The following TSTD2 variants were observed in gnomAD, a reference collection of about 807,000 sequenced individuals.
TSTD2 encodes thiosulfate sulfurtransferase like domain containing 2.
In TSTD2, 37 loss-of-function variants were observed where a neutral mutation model predicts 47.9. That is an observed-to-expected ratio of 0.77 (90% CI 0.59 to 1.02). The LOEUF is 1.02. Ranked by LOEUF, TSTD2 falls within the 50% of genes least tolerant of loss-of-function variation. The pLI, the probability that TSTD2 is intolerant of heterozygous loss-of-function variation, is 0.00. For synonymous variants in TSTD2, 201 were observed against 215.9 expected, an observed-to-expected ratio of 0.93 and a Z score of 0.61; for missense variants, 586 against 616.0, an observed-to-expected ratio of 0.95 and a Z score of 0.52.
At chr9:97,622,573 T>C (rs1826657160) in intron 3 of TSTD2, among the ~76,000 whole-genome samples, 1 of 152,216 alleles carries the variant, frequency 6.6e-6, no homozygotes, top group African/African-American at 2.4e-5. Context: ...GTAGATCCAC[T>C]GAGAGCTTGC....
At chr9:97,632,547 T>A (rs1346050322) in intron 1 of TSTD2, among the ~76,000 whole-genome samples, 1 of 85,210 alleles carries the variant, frequency 1.2e-5, no homozygotes, top group Non-Finnish European at 2.4e-5. Context: ...TAGGCTCAGC[T>A]AATTTTTTTT....
intron 6 of TSTD2, among the ~76,000 whole-genome samples, chr9:97,607,812 G>A (rs1260729986): frequency 1.3e-5 from 2 of 152,180 alleles, no homozygotes; most frequent in Non-Finnish European, 2.9e-5. Context: ...GCTGAGGCAG[G>A]AGAACTACAC....
At chr9:97,602,988 G>C in intron 9 of TSTD2, 1 of 465,558 alleles carries the variant, frequency 2.1e-6, no homozygotes. Context: ...TCTGCTTCCA[G>C]TATTTACTGA....
Position 97,602,245 on chromosome 9 carries a change from C to T in TSTD2, c.*224G>A, listed in dbSNP as rs1046487264. Reference sequence around the variant, plus strand: ...AGCTTTGGGATCCCATGCAGCTCACCTATTTTCTGTGCTCTAGCATCATCC... The same window carrying T: ...AGCTTTGGGATCCCATGCAGCTCACTTATTTTCTGTGCTCTAGCATCATCC... On this transcript the variant is annotated 3_prime_UTR_variant, in exon 10 of 10. Transcript: ENST00000341170. 1.8e-6 allele frequency: 1 copy of T among 553,554 alleles called. No individual in the cohort carries two copies. The highest frequency in any genetic ancestry group is 3.6e-5 in the Admixed American group (1 of 27,898). 34.3% of individuals were successfully genotyped at this position (553,554 alleles called of 1,614,324 possible).
At chr9:97,613,112 A>C (rs2131310046) in intron 4 of TSTD2, among the ~76,000 whole-genome samples, 1 of 152,362 alleles carries the variant, frequency 6.6e-6, no homozygotes. Context: ...GCTGTGAGAA[A>C]GTTAATTGAC....
chr9:97,607,464 G>C (rs1200861199), intron 6 of TSTD2, among the ~76,000 whole-genome samples: 2 of 152,182 alleles, frequency 1.3e-5, no homozygotes, highest in Admixed American at 1.3e-4. Context: ...GGAGAGATGA[G>C]GGCCCAGAGC....
intron 1 of TSTD2, among the ~76,000 whole-genome samples, chr9:97,631,937 A>C (rs1424588947): frequency 1.3e-5 from 2 of 152,048 alleles, no homozygotes; most frequent in Non-Finnish European, 2.9e-5. Context: ...CTCTGATCTC[A>C]TCTACCACTC....
chr9:97,602,985 C>T (rs977087948), intron 9 of TSTD2: 4 of 475,270 alleles, frequency 8.4e-6, no homozygotes, highest in Non-Finnish European at 1.5e-5. Context: ...CTGTCTGCTT[C>T]CAGTATTTAC....
At position 97,600,915 on chromosome 9, in the gene TSTD2, T is replaced by C; in HGVS notation, c.*1554A>G. On this transcript the variant is annotated 3_prime_UTR_variant, in exon 10 of 10. Coordinates refer to ENST00000341170, the MANE Select transcript of TSTD2 (RefSeq NM_139246.5). ...ACAGTGCCAGTTAAACTAATATTTT[T>C]GTTTGTTGCTTTTGGGAGTTATTTT... The C allele has an allele frequency of 8.6e-7, 1 of 1,157,406 alleles. No homozygotes were observed. The highest frequency in any genetic ancestry group is 1.1e-6 in the Non-Finnish European group (1 of 918,468). 71.7% of individuals were successfully genotyped at this position (1,157,406 alleles called of 1,614,324 possible). A position where few individuals can be genotyped will look rare whatever the true frequency, so the allele number is the denominator to read the frequency against.
At chr9:97,605,395 C>G (rs1187322030) in intron 8 of TSTD2, 88 bp downstream of exon 8, 4 of 1,541,782 alleles carry the variant, frequency 2.6e-6, no homozygotes, top group South Asian at 1.2e-5. Context: ...GTGGGGAGTA[C>G]TGGGGGCAGC....
intron 8 of TSTD2, 109 bp from the exon 9 acceptor site, chr9:97,604,974 C>T (rs1408628283): frequency 1.3e-5 from 19 of 1,491,600 alleles, no homozygotes; most frequent in Admixed American, 7.1e-5. Flanking sequence ...GACTCATGGC[C>T]GCTGCTATCA....
intron 3 of TSTD2, among the ~76,000 whole-genome samples, chr9:97,624,956 CTATT>C (rs1160294419): frequency 6.6e-6 from 1 of 152,014 alleles, no homozygotes; most frequent in Non-Finnish European, 1.5e-5. Context: ...TTTTCCTGCC[CTATT>C]TATTTAAAAA....
intron 4 of TSTD2, among the ~76,000 whole-genome samples, chr9:97,613,827 CTTTT>C (rs755229835): frequency 6.6e-4 from 81 of 123,078 alleles, no homozygotes; most frequent in African/African-American, 2.3e-3. Flanking sequence ...TTGATCAATT[CTTTT>C]TTTTTTTTTT....
chr9:97,601,190 C>T lies in TSTD2; in HGVS notation c.*1279G>A. The T allele has an allele frequency of 7.7e-7, 1 of 1,297,512 alleles. No individual in the cohort carries two copies. Among genetic ancestry groups the T allele is most frequent in the Non-Finnish European group, 1.0e-6 (1 of 985,112 alleles). 80.4% of individuals were successfully genotyped at this position (1,297,512 alleles called of 1,614,324 possible). On this transcript the variant is annotated 3_prime_UTR_variant, in exon 10 of 10. Coordinates refer to ENST00000341170, the MANE Select transcript of TSTD2 (RefSeq NM_139246.5). The stretch of plus-strand genomic sequence containing the variant: ...CCCCATTTGGCTTCTCCTTAAAACA[C>T]AATTGCAGCTGCATTCTGCATCGCT...
At chr9:97,603,128 TTTGA>T (rs111505791) in intron 9 of TSTD2, 4,570 of 213,906 alleles carry the variant, frequency 0.021, 234 homozygotes, top group African/African-American at 0.1. Flanking sequence ...TCTTTTCCTC[TTTGA>T]TTGTTCCCTT....
At chr9:97,612,425 G>A (rs1197332076) in intron 4 of TSTD2, among the ~76,000 whole-genome samples, 1 of 152,210 alleles carries the variant, frequency 6.6e-6, no homozygotes, top group African/African-American at 2.4e-5. Flanking sequence ...TTACCACATT[G>A]TCTTCCACAA....
At chr9:97,631,011 T>C (rs1264757473) in intron 1 of TSTD2, among the ~76,000 whole-genome samples, 4 of 152,248 alleles carry the variant, frequency 2.6e-5, no homozygotes, top group Non-Finnish European at 5.9e-5. Context: ...TCTTCCCCAG[T>C]CTTCCTTATC....
Position 97,617,927 on chromosome 9 carries a change from G to A in TSTD2, c.483-50C>T, listed in dbSNP as rs777390222. ...AGAGCATTTGAGTCGCTGGCATAAA[G>A]AAGTCACAATTCATAAAATACACCC... On this transcript the variant is annotated intron_variant, in intron 3 of 9. Coordinates refer to ENST00000341170, the MANE Select transcript of TSTD2 (RefSeq NM_139246.5). The A allele has an allele frequency of 2.5e-6, 4 of 1,586,316 alleles. No homozygotes were observed. In the Admixed American group the frequency reaches 7.1e-5, roughly 28 times the overall value.
In TSTD2 at chr9:97,610,610, T is replaced by C. The variant is rs961523849; in HGVS notation, c.730-159A>G. Among the ~76,000 whole-genome samples the C allele has an allele frequency of 1.2e-3, 190 of 152,314 alleles. 1 individual carries two copies. The highest frequency in any genetic ancestry group is 4.3e-3 in the African/African-American group (177 of 41,558). On this transcript the variant is annotated intron_variant, in intron 5 of 9. Transcript: ENST00000341170. Reference sequence around the variant, plus strand: ...CCAGAATGTTCCAGATAATTCAACATTGATAAATACTTACTGCATACCTGC... The same window carrying C: ...CCAGAATGTTCCAGATAATTCAACACTGATAAATACTTACTGCATACCTGC...
Sources: gnomAD v4.1 joint callset for allele counts (sites outside exome capture counted in the v4.1 genomes callset) on GRCh38, gnomAD v4.1.1 for gene constraint, MANE v1.5 for transcripts, NCBI Gene and HGNC (gene_info 2026-07-23, HGNC 2026-07-21) for gene names.